Variants in MX2 observed in about 807,000 individuals in gnomAD.
MX2 encodes MX dynamin like GTPase 2.
MX2 carries 51 observed loss-of-function variants against 74.0 expected under a neutral mutation model. That is an observed-to-expected ratio of 0.69 (90% CI 0.55 to 0.87). The LOEUF is 0.87. MX2 is among the 40% of genes least tolerant of loss of function. The pLI, the probability that MX2 is intolerant of heterozygous loss-of-function variation, is 0.00. For synonymous variants in MX2, 369 were observed against 339.3 expected (o/e 1.09, Z -0.96); for missense variants, 832 against 908.7 (o/e 0.92, Z 1.09).
chr21:41,377,023 GCCA>G lies in MX2; in HGVS notation c.122_124del (p.Pro41del), dbSNP rs768117723. The G allele has an allele frequency of 8.1e-6, 13 of 1,614,202 alleles. No individual in the cohort carries two copies. Among genetic ancestry groups the G allele is most frequent in the Non-Finnish European group, 1.1e-5 (13 of 1,180,046 alleles). On this transcript the variant is annotated inframe_deletion, in exon 2 of 14. Transcript: ENST00000330714. ...AACAGCCACCGCCATTCGGCACAGTGCCACCACAAATGATGTTTCCTCCAAACT... is the reference window on the plus strand; with the variant it reads ...AACAGCCACCGCCATTCGGCACAGTGCCACAAATGATGTTTCCTCCAAACT...
intron 7 of MX2, 88 bp from the exon 8 acceptor site, chr21:41,397,512 TTGCCCCGGGGAGC>T: frequency 9.8e-7 from 1 of 1,015,890 alleles, no homozygotes; most frequent in African/African-American, 1.6e-5. Flanking sequence ...ATGGCACGTG[TTGCCCCGGGGAGC>T]TGGGCTCACC....
At position 41,398,969 on chromosome 21, in the gene MX2, G is replaced by A. The variant is rs141083003; in HGVS notation, c.1222G>A (p.Gly408Arg). 9,073 of 1,613,994 alleles carry A rather than the reference G, an allele frequency of 5.6e-3. 29 individuals are homozygous for A. The highest frequency in any genetic ancestry group is 6.9e-3 in the Non-Finnish European group (8,148 of 1,179,872). The change falls in exon 9 of 14, where the codon GGG becomes AGG. Residue 408 changes from glycine to arginine, a missense_variant. Gly to Arg is a moderately radical substitution (Grantham distance 125). Coordinates refer to ENST00000330714, the MANE Select transcript of MX2 (RefSeq NM_002463.2). ...QKATEELRRC[G>R]ADIPSQEADK... is the part of the protein sequence containing the mutation. ...GGCGACCGAGGAGCTGCGGCGTTGC[G>A]GGGCTGACATCCCCAGCCAGGAGGC...
At chr21:41,400,294 G>C (rs1025417943) in intron 10 of MX2, among the ~76,000 whole-genome samples, 1 of 152,178 alleles carries the variant, frequency 6.6e-6, no homozygotes, top group African/African-American at 2.4e-5. Context: ...TTAGCAATAA[G>C]TAAAGACTAG....
rs2089833368 is a variant in MX2 at position 41,402,941 on chromosome 21, C to T, written c.1574-326C>T. ...GCTCAGGCAGCAGTGCTCACTAGCT[C>T]ACTGCACACCTCCTGCCGGACACGG... On this transcript the variant is annotated intron_variant, in intron 11 of 13. Coordinates refer to ENST00000330714, the MANE Select transcript of MX2 (RefSeq NM_002463.2). This position sits in a 1 kb window ranked among gnomAD's most constrained non-coding sequence, Gnocchi z 4.5. 1 of 298,646 alleles carries T rather than the reference C, an allele frequency of 3.3e-6. No individual in the cohort carries two copies. Among genetic ancestry groups the T allele is most frequent in the Non-Finnish European group, 6.6e-6 (1 of 151,910 alleles). The allele number at this position is 298,646 out of a possible 1,614,324, so 18.5% of individuals were successfully genotyped here. A position where few individuals can be genotyped will look rare whatever the true frequency, so the allele number is the denominator to read the frequency against.
At chr21:41,393,178 A>G (rs1297373232) in intron 6 of MX2, among the ~76,000 whole-genome samples, 2 of 151,880 alleles carry the variant, frequency 1.3e-5, no homozygotes, top group African/African-American at 4.8e-5. Flanking sequence ...ACTACACAAT[A>G]CTTCCAAAGG....
Position 41,408,193 on chromosome 21 carries a change from G to T in MX2, c.2108G>T (p.Arg703Leu). ...KERIYRLTQARHALCQFSSKE... is the reference protein window; with the variant it reads ...KERIYRLTQALHALCQFSSKE... ...AGAATTTACCGGCTCACTCAGGCGC[G>T]ACACGCACTCTGTCAATTCTCCAGC... is the stretch of plus-strand genomic sequence containing the variant. The change falls in exon 14 of 14, where the codon CGA becomes CTA. Residue 703 changes from arginine (R) to leucine (L), a missense_variant. By Grantham distance (102) the Arg-to-Leu change is moderately radical. Coordinates refer to ENST00000330714, the MANE Select transcript of MX2 (RefSeq NM_002463.2). The T allele has an allele frequency of 6.2e-7, 1 of 1,614,194 alleles. No individual in the cohort carries two copies. The highest frequency in any genetic ancestry group is 8.5e-7 in the Non-Finnish European group (1 of 1,180,046).
rs267606135 is a variant in MX2, at chr21:41,382,479, C to G, written c.647C>G (p.Pro216Arg). The G allele has an allele frequency of 6.2e-7, 1 of 1,614,232 alleles. No homozygotes were observed. Among genetic ancestry groups the G allele is most frequent in the Non-Finnish European group, 8.5e-7 (1 of 1,180,056 alleles). ...HELISLEITS[P>R]EVPDLTIIDL... Reference sequence around the variant, plus strand: ...CTCATCAGCCTGGAGATCACCTCCCCTGAGGTTCCAGACCTGACCATCATT... The same window carrying G: ...CTCATCAGCCTGGAGATCACCTCCCGTGAGGTTCCAGACCTGACCATCATT... The change falls in exon 5 of 14, where the codon CCT becomes CGT. Residue 216 changes from proline (P) to arginine (R), a missense_variant. Physicochemically the swap from Pro to Arg is moderately radical, Grantham distance 103. Coordinates refer to ENST00000330714, the MANE Select transcript of MX2 (RefSeq NM_002463.2).
chr21:41,380,219 T>C lies in MX2; in HGVS notation c.577+68T>C. ...CTCTCACTTCCTCGGTTCCTTCTCC[T>C]CTTCCTCAAGTCACCCCCACAGTGA... On this transcript the variant is annotated intron_variant, in intron 4 of 13. Transcript: ENST00000330714. The surrounding 1 kb of genome is among the most constrained non-coding windows in gnomAD (Gnocchi z 4.3). The C allele has an allele frequency of 1.3e-6, 2 of 1,599,634 alleles. No homozygotes were observed. The highest frequency in any genetic ancestry group is 1.7e-6 in the Non-Finnish European group (2 of 1,171,602).
At chr21:41,389,196 T>TA (rs749825740) in intron 5 of MX2, among the ~76,000 whole-genome samples, 4 of 143,310 alleles carry the variant, frequency 2.8e-5, no homozygotes, top group African/African-American at 1.1e-4. Flanking sequence ...GAAAATAAAG[T>TA]CAAAAAAAAA....
intron 1 of MX2, among the ~76,000 whole-genome samples, chr21:41,371,936 T>C (rs567381356): frequency 2.6e-5 from 4 of 151,536 alleles, no homozygotes; most frequent in African/African-American, 7.3e-5. Context: ...AGATGGAGGG[T>C]TTTTTATAGT....
rs564170579 is a variant in MX2, at chr21:41,408,026, T to C, written c.1941T>C (p.Phe647=). 1 of 1,614,160 alleles carries C rather than the reference T, an allele frequency of 6.2e-7. No individual in the cohort carries two copies. Among genetic ancestry groups the C allele is most frequent in the Non-Finnish European group, 8.5e-7 (1 of 1,180,034 alleles). Residue 647 remains phenylalanine (F), a synonymous_variant, in exon 14 of 14, where the codon TTT becomes TTC. Coordinates refer to ENST00000330714, the MANE Select transcript of MX2 (RefSeq NM_002463.2). ...TSKRLANQIP[F]IIQYFMLREN... The stretch of plus-strand genomic sequence containing the variant: ...AACGTCTCGCCAACCAGATCCCATT[T>C]ATAATTCAGTATTTTATGCTCCGAG...
At chr21:41,381,529 C>G (rs2089492106) in intron 4 of MX2, among the ~76,000 whole-genome samples, 1 of 151,794 alleles carries the variant, frequency 6.6e-6, no homozygotes, top group Non-Finnish European at 1.5e-5. Flanking sequence ...TCTAAAAATA[C>G]AAAAAATTAG....
rs2145924948 is a variant in MX2, at chr21:41,390,648, C to G, written c.816C>G (p.Thr272=). 1 of 1,614,154 alleles carries G rather than the reference C, an allele frequency of 6.2e-7. No homozygotes were observed. Residue 272 remains threonine, a synonymous_variant, in exon 6 of 14, where the codon ACC becomes ACG. Transcript: ENST00000330714. ...VVVPCNVDIA[T]TEALSMAHEV... is the part of the protein sequence containing the mutation. ...TTCCCTGTAACGTGGACATTGCCAC[C>G]ACGGAGGCGCTGAGCATGGCCCATG...
chr21:41,401,945 C>CA (rs1194192644), intron 10 of MX2, 25 bp from the exon 11 acceptor site: 7 of 1,604,580 alleles, frequency 4.4e-6, no homozygotes, highest in Non-Finnish European at 6.0e-6. Flanking sequence ...CAGAATTCAC[C>CA]ATGGAGGTCT....
intron 12 of MX2, among the ~76,000 whole-genome samples, chr21:41,405,076 A>G (rs929084973): frequency 1.3e-5 from 2 of 151,962 alleles, no homozygotes; most frequent in African/African-American, 4.8e-5. Context: ...TGGGAGGCCG[A>G]GGCGGGCAGA....
At chr21:41,374,476 G>A (rs551707906) in intron 1 of MX2, among the ~76,000 whole-genome samples, 15 of 152,220 alleles carry the variant, frequency 9.9e-5, no homozygotes, top group Non-Finnish European at 1.5e-4. Flanking sequence ...AGCAGGGACG[G>A]GGAAGGCCCC....
chr21:41,370,085 A>G (rs1026037807), intron 1 of MX2: 1 of 152,278 alleles, frequency 6.6e-6, no homozygotes, highest in African/African-American at 2.4e-5. Flanking sequence ...TGCGTGGCCC[A>G]AAGCTGGATG....
In MX2 at chr21:41,395,805, C is replaced by A. The variant is rs749352381; in HGVS notation, c.1070+20C>A. 3 of 1,613,034 alleles carry A rather than the reference C, an allele frequency of 1.9e-6. No individual in the cohort carries two copies. The highest frequency in any genetic ancestry group is 2.5e-6 in the Non-Finnish European group (3 of 1,179,352). ...TTTCAGGTGAGACTCTTCAGGAAAG[C>A]TCTGGAATTAGACTCCATGAAAGCC... On this transcript the variant is annotated intron_variant, in intron 7 of 13. Transcript: ENST00000330714.
At chr21:41,401,600 TCCTGGCCTCAAGTGATCCTCCCA>T (rs2089815220) in intron 10 of MX2, 1 of 165,926 alleles carries the variant, frequency 6.0e-6, no homozygotes, top group Non-Finnish European at 1.3e-5. Context: ...GGTCTCGGAC[TCCTGGCCTCAAGTGATCCTCCCA>T]CCTTGACCTC....
Sources: allele counts gnomAD v4.1 joint callset (sites outside exome capture counted in the v4.1 genomes callset), GRCh38; gene constraint gnomAD v4.1.1; non-coding constraint Gnocchi (gnomAD v3.1); transcripts MANE v1.5; gene names NCBI Gene and HGNC (gene_info 2026-07-23, HGNC 2026-07-21).